The following SHROOM4 variants were observed in gnomAD, a reference collection of about 807,000 sequenced individuals.
SHROOM4 encodes shroom family member 4.
SHROOM4 carries 17 observed loss-of-function variants against 80.3 expected under a neutral mutation model. The observed-to-expected ratio is 0.21, with a 90% CI of 0.14 to 0.32. The LOEUF is 0.32. SHROOM4 is among the 10% of genes least tolerant of loss of function. The pLI is 1.00. For missense variants in SHROOM4, 993 were observed against 1,140.3 expected, an observed-to-expected ratio of 0.87 and a Z score of 1.86; for synonymous variants, 400 against 437.5, an observed-to-expected ratio of 0.91 and a Z score of 1.07.
Position 50,635,221 on chromosome X carries a change from C to T in SHROOM4, c.852G>A (p.Gln284=), listed in dbSNP as rs1210557082. 8.3e-7 allele frequency: 1 copy of T among 1,201,960 alleles called. No homozygotes were observed. The highest frequency in any genetic ancestry group is 1.1e-6 in the Non-Finnish European group (1 of 890,895). The change falls in exon 4 of 9, where the codon CAG becomes CAA. Residue 284 remains glutamine (Q), a synonymous_variant. Coordinates refer to ENST00000376020, the MANE Select transcript of SHROOM4 (RefSeq NM_020717.5). ...CATTGAGGAGTTGGGCTCTGGAGGC[C>T]TGAAGGCTGTCCCGCCTCACTGGAG... ...PQPPVRRDSL[Q]ASRAQLLNGE... is the part of the protein sequence containing the mutation.
intron 2 of SHROOM4, among the ~76,000 whole-genome samples, chrX:50,639,632 C>T (rs1327292078): frequency 1.8e-5 from 2 of 111,407 alleles, no homozygotes; most frequent in Admixed American, 9.6e-5. Flanking sequence ...CTGGCTATAT[C>T]GTGAGATAAA....
In SHROOM4 at chrX:50,643,127, A is replaced by G. The variant is rs541226087; in HGVS notation, c.270-4819T>C. Among the ~76,000 whole-genome samples, 18 of 112,146 alleles carry G rather than the reference A, an allele frequency of 1.6e-4. No homozygotes were observed. The East Asian group carries it at 1.7e-3, about 11-fold the overall frequency. ...CAGCTCTAGGCCAAGATGTGAAGGC[A>G]GTGACCCCAGTGCTTGCCTTTCTCC... On this transcript the variant is annotated intron_variant, in intron 2 of 8. Transcript: ENST00000376020.
At chrX:50,599,434 A>C (rs1426999729) in intron 7 of SHROOM4, among the ~76,000 whole-genome samples, 1 of 111,093 alleles carries the variant, frequency 9.0e-6, no homozygotes, top group African/African-American at 3.3e-5. Flanking sequence ...ATTGAGCTTC[A>C]CTTTCTTTAT....
chrX:50,790,824 C>A (rs143439529), intron 1 of SHROOM4, among the ~76,000 whole-genome samples: 2 of 111,475 alleles, frequency 1.8e-5, no homozygotes, highest in Non-Finnish European at 3.8e-5. Flanking sequence ...GAAAACCCCA[C>A]AGCTAATGTC....
At chrX:50,764,551 C>A (rs781917404) in intron 1 of SHROOM4, among the ~76,000 whole-genome samples, 1 of 111,630 alleles carries the variant, frequency 9.0e-6, no homozygotes, top group South Asian at 3.8e-4. Flanking sequence ...GTGATGACAG[C>A]TAGCTGGACT....
At chrX:50,603,557 T>C (rs782592363) in intron 6 of SHROOM4, among the ~76,000 whole-genome samples, 1 of 111,405 alleles carries the variant, frequency 9.0e-6, no homozygotes, top group South Asian at 3.8e-4. Context: ...ACTTCTGGCA[T>C]ATTCCCAATG....
chrX:50,802,355 A>G (rs1226661317), intron 1 of SHROOM4, among the ~76,000 whole-genome samples: 1 of 111,841 alleles, frequency 8.9e-6, no homozygotes. Flanking sequence ...ATGCTCCCCA[A>G]CTGCCTAGGG....
At chrX:50,812,847 G>A (rs2147757962) in intron 1 of SHROOM4, among the ~76,000 whole-genome samples, 1 of 112,072 alleles carries the variant, frequency 8.9e-6, no homozygotes, top group Non-Finnish European at 1.9e-5. Context: ...TGCCATTTAA[G>A]CGGGTTGGAA....
At chrX:50,813,158 A>AGTGGCG (rs1240060106) in intron 1 of SHROOM4, among the ~76,000 whole-genome samples, 90 of 65,858 alleles carry the variant, frequency 1.4e-3, no homozygotes, top group East Asian at 7.0e-3. Flanking sequence ...CGGCGGCGGC[A>AGTGGCG]GTGGCGGCGG....
chrX:50,663,950 T>C (rs1281766118), intron 2 of SHROOM4, among the ~76,000 whole-genome samples: 1 of 112,227 alleles, frequency 8.9e-6, no homozygotes, highest in East Asian at 2.8e-4. Context: ...AAATATTTGT[T>C]AAATCAATGA....
chrX:50,623,034 T>C (rs1930638147), intron 5 of SHROOM4, among the ~76,000 whole-genome samples: 1 of 111,784 alleles, frequency 8.9e-6, no homozygotes, highest in Non-Finnish European at 1.9e-5. Flanking sequence ...AATGTGCATT[T>C]CTAACAAGTT....
chrX:50,632,106 G>A (rs1211570772), intron 4 of SHROOM4, among the ~76,000 whole-genome samples: 3 of 111,183 alleles, frequency 2.7e-5, no homozygotes, highest in Non-Finnish European at 5.7e-5. Context: ...ATAGAACATT[G>A]TCACCACCCC....
chrX:50,614,021 T>C (rs782543377), intron 5 of SHROOM4, among the ~76,000 whole-genome samples: 1 of 112,133 alleles, frequency 8.9e-6, no homozygotes, highest in East Asian at 2.8e-4. Context: ...TAGTTTGTGA[T>C]GAAGCATTTC....
intron 1 of SHROOM4, among the ~76,000 whole-genome samples, chrX:50,747,443 C>A (rs1227863177): frequency 8.9e-6 from 1 of 112,010 alleles, no homozygotes; most frequent in African/African-American, 3.2e-5. Flanking sequence ...GTTTACATGA[C>A]AGCGAACCAC....
chrX:50,592,755 A>C lies in SHROOM4; in HGVS notation c.*3940T>G, dbSNP rs1928933366. 1 of 117,173 alleles carries C rather than the reference A, an allele frequency of 8.5e-6. No homozygotes were observed. Among genetic ancestry groups the C allele is most frequent in the Admixed American group, 8.4e-5 (1 of 11,969 alleles). 9.7% of individuals were successfully genotyped at this position (117,173 alleles called of 1,213,427 possible). A position where few individuals can be genotyped will look rare whatever the true frequency, so the allele number is the denominator to read the frequency against. On this transcript the variant is annotated 3_prime_UTR_variant, in exon 9 of 9. Transcript: ENST00000376020. The stretch of plus-strand genomic sequence containing the variant: ...GAAGTAAGATGAAAATACTAGACAG[A>C]ATTCAAGATTGGAAGAAGTCTAGAA...
chrX:50,638,992 C>T (rs1931480244), intron 2 of SHROOM4, among the ~76,000 whole-genome samples: 1 of 112,373 alleles, frequency 8.9e-6, no homozygotes, highest in Admixed American at 9.4e-5. Context: ...GCCCCAACTC[C>T]TGTGAGGGAA....
At chrX:50,650,768 A>G (rs1436615916) in intron 2 of SHROOM4, among the ~76,000 whole-genome samples, 4 of 112,529 alleles carry the variant, frequency 3.6e-5, no homozygotes, top group Admixed American at 9.4e-5. Context: ...GGAATCTGCA[A>G]TTATACTGGT....
chrX:50,749,318 G>C (rs1280313250), intron 1 of SHROOM4, among the ~76,000 whole-genome samples: 3 of 112,111 alleles, frequency 2.7e-5, no homozygotes, highest in Admixed American at 9.5e-5. Flanking sequence ...TCTAACCCTA[G>C]CCATATCAGA....
intron 1 of SHROOM4, among the ~76,000 whole-genome samples, chrX:50,709,179 G>A (rs1933750490): frequency 9.0e-6 from 1 of 111,333 alleles, no homozygotes; most frequent in African/African-American, 3.3e-5. Flanking sequence ...AAGAAGCAAC[G>A]AGAAGCTTGC....
Sources: allele counts gnomAD v4.1 joint callset (sites outside exome capture counted in the v4.1 genomes callset), GRCh38; gene constraint gnomAD v4.1.1; transcripts MANE v1.5; gene names NCBI Gene and HGNC (gene_info 2026-07-23, HGNC 2026-07-21).